Variants in TNR observed in about 807,000 individuals in gnomAD.
The protein encoded by TNR is tenascin-R.
TNR carries 45 observed loss-of-function variants against 150.4 expected under a neutral mutation model. The ratio of observed to expected loss-of-function variants is 0.30; its 90% confidence interval spans 0.24 to 0.38. The LOEUF is 0.38. Ranked by LOEUF, TNR falls within the 10% of genes least tolerant of loss-of-function variation. TNR has a pLI of 1.00. For missense variants in TNR, 1,544 were observed against 1,759.1 expected (o/e 0.88, Z 2.19); for synonymous variants, 687 against 678.4 (o/e 1.01, Z -0.20).
At chr1:175,473,708 G>C (rs531403170) in intron 2 of TNR, among the ~76,000 whole-genome samples, 1 of 152,196 alleles carries the variant, frequency 6.6e-6, no homozygotes, top group African/African-American at 2.4e-5. Context: ...GAGGGATAAG[G>C]CTGAAGCACT....
intron 1 of TNR, among the ~76,000 whole-genome samples, chr1:175,644,326 C>T (rs1387982678): frequency 6.6e-6 from 1 of 152,206 alleles, no homozygotes; most frequent in Non-Finnish European, 1.5e-5. Context: ...CTCATAACCC[C>T]CAGCTGCAAT....
At chr1:175,547,529 T>C (rs1247562515) in intron 1 of TNR, among the ~76,000 whole-genome samples, 2 of 149,994 alleles carry the variant, frequency 1.3e-5, no homozygotes, top group Non-Finnish European at 3.0e-5. Flanking sequence ...TGGCATGCTT[T>C]CTCTCATTTA....
intron 2 of TNR, among the ~76,000 whole-genome samples, chr1:175,436,149 G>T (rs970257360): frequency 9.2e-5 from 14 of 152,042 alleles, no homozygotes; most frequent in Non-Finnish European, 1.5e-4. Flanking sequence ...TATCTTTGTG[G>T]CGTTCTCTGT....
At chr1:175,624,508 G>A (rs1664082953) in intron 1 of TNR, among the ~76,000 whole-genome samples, 1 of 152,158 alleles carries the variant, frequency 6.6e-6, no homozygotes, top group Non-Finnish European at 1.5e-5. Flanking sequence ...TAACAACAGA[G>A]ACAGAGATTG....
At position 175,386,216 on chromosome 1, in the gene TNR, G is replaced by A. The variant is rs375626142; in HGVS notation, c.1593C>T (p.Val531=). 2.8e-4 allele frequency: 448 copies of A among 1,610,668 alleles called. 2 individuals carry two copies. Among genetic ancestry groups the A allele is most frequent in the Non-Finnish European group, 3.1e-4 (362 of 1,177,404 alleles). The change falls in exon 8 of 23, where the codon GTC becomes GTT. Residue 531 remains valine, a synonymous_variant. Transcript: ENST00000367674. ...GGCCATATTTCAAAAGAATGAAATCGACTTTGGCTCGAGGGGGAATCCACT... is the reference window on the plus strand; with the variant it reads ...GGCCATATTTCAAAAGAATGAAATCAACTTTGGCTCGAGGGGGAATCCACT... ...FVEWIPPRAK[V]DFILLKYGLV...
chr1:175,445,562 C>T (rs1340385012), intron 2 of TNR, among the ~76,000 whole-genome samples: 1 of 152,146 alleles, frequency 6.6e-6, no homozygotes, highest in Non-Finnish European at 1.5e-5. Flanking sequence ...ATGGCATAAC[C>T]TGCTAAGGTT....
chr1:175,723,371 C>G (rs1236102827), intron 1 of TNR, among the ~76,000 whole-genome samples: 2 of 152,152 alleles, frequency 1.3e-5, no homozygotes, highest in African/African-American at 4.8e-5. Flanking sequence ...CTGCAGTCTA[C>G]CTGGGTGTCA....
At chr1:175,592,506 G>C (rs538447467) in intron 1 of TNR, among the ~76,000 whole-genome samples, 6 of 151,338 alleles carry the variant, frequency 4.0e-5, no homozygotes, top group African/African-American at 1.4e-4. Context: ...CCTGGCTCGA[G>C]GAGCCGGAGG....
At chr1:175,700,939 C>A (rs901601435) in intron 1 of TNR, among the ~76,000 whole-genome samples, 1 of 152,214 alleles carries the variant, frequency 6.6e-6, no homozygotes, top group Non-Finnish European at 1.5e-5. Context: ...ATTTCTCAGG[C>A]CTGCCATCCA....
intron 1 of TNR, among the ~76,000 whole-genome samples, chr1:175,705,225 G>A (rs1666813875): frequency 6.6e-6 from 1 of 152,284 alleles, no homozygotes; most frequent in East Asian, 1.9e-4. Context: ...AAAAGAGCAG[G>A]CTGACTTCAG....
intron 1 of TNR, among the ~76,000 whole-genome samples, chr1:175,739,821 C>A (rs1043501338): frequency 6.6e-6 from 1 of 152,182 alleles, no homozygotes; most frequent in African/African-American, 2.4e-5. Context: ...CTTTACTAAG[C>A]TCACATAGGT....
At chr1:175,347,873 G>A (rs1650872534) in intron 18 of TNR, among the ~76,000 whole-genome samples, 1 of 151,916 alleles carries the variant, frequency 6.6e-6, no homozygotes, top group Admixed American at 6.6e-5. Flanking sequence ...TAATATTACT[G>A]TCACTATTTA....
At chr1:175,640,282 C>T (rs1664615022) in intron 1 of TNR, among the ~76,000 whole-genome samples, 1 of 152,208 alleles carries the variant, frequency 6.6e-6, no homozygotes, top group Non-Finnish European at 1.5e-5. Flanking sequence ...CTCTATATGG[C>T]CTGTGTGCCA....
chr1:175,481,991 C>T (rs1329446031), intron 2 of TNR, among the ~76,000 whole-genome samples: 6 of 152,216 alleles, frequency 3.9e-5, no homozygotes, highest in Non-Finnish European at 8.8e-5. Context: ...ATGCACTCAG[C>T]CTCCACAACC....
intron 1 of TNR, among the ~76,000 whole-genome samples, chr1:175,619,555 G>GTTTT (rs1663895453): frequency 1.3e-5 from 2 of 152,196 alleles, no homozygotes; most frequent in Admixed American, 1.3e-4. Context: ...ATCCTCCACA[G>GTTTT]CTCGCTTTGG....
At chr1:175,578,080 G>A (rs1359139784) in intron 1 of TNR, among the ~76,000 whole-genome samples, 5 of 152,174 alleles carry the variant, frequency 3.3e-5, no homozygotes, top group Non-Finnish European at 5.9e-5. Context: ...ATATGTTAGC[G>A]CTTGTTATTA....
chr1:175,568,738 G>A (rs1050771571), intron 1 of TNR, among the ~76,000 whole-genome samples: 1 of 152,200 alleles, frequency 6.6e-6, no homozygotes, highest in Non-Finnish European at 1.5e-5. Flanking sequence ...AATGTGCTGA[G>A]GCTAGAGTTC....
chr1:175,515,116 GT>G lies in TNR; in HGVS notation c.-64+13152del, dbSNP rs1659347068. On this transcript the variant is annotated intron_variant, in intron 2 of 22. Coordinates refer to ENST00000367674, the MANE Select transcript of TNR (RefSeq NM_003285.3). ...CTGCCCAGAGCTGGAGAATGGAAGT[GT>G]GGCTGCTGGAATTAGCATAAATCAT... is the stretch of plus-strand genomic sequence containing the variant. Among the ~76,000 whole-genome samples the G allele has an allele frequency of 2.0e-5, 3 of 152,356 alleles. No individual in the cohort carries two copies. The South Asian group carries it at 6.2e-4, about 32-fold the overall frequency.
chr1:175,691,039 G>GGAAGTC (rs1666354788), intron 1 of TNR, among the ~76,000 whole-genome samples: 1 of 152,160 alleles, frequency 6.6e-6, no homozygotes, highest in African/African-American at 2.4e-5. Context: ...GTTTGGCACA[G>GGAAGTC]GAAGTCAAGA....
Sources: allele counts gnomAD v4.1 joint callset (sites outside exome capture counted in the v4.1 genomes callset), GRCh38; gene constraint gnomAD v4.1.1; transcripts MANE v1.5; gene names NCBI Gene and HGNC (gene_info 2026-07-23, HGNC 2026-07-21).